The following DLGAP2 variants were observed in gnomAD, a reference collection of about 807,000 sequenced individuals.
DLGAP2 encodes the protein disks large-associated protein 2.
In DLGAP2, 26 loss-of-function variants were observed where a neutral mutation model predicts 100.3. The observed-to-expected ratio is 0.26, with a 90% CI of 0.19 to 0.36. The LOEUF (loss-of-function observed/expected upper bound fraction) is 0.36, where lower values mean the gene tolerates loss of function less well. DLGAP2 is among the 10% of genes least tolerant of loss of function. DLGAP2 has a pLI of 1.00. For missense variants in DLGAP2, 1,858 were observed against 1,453.2 expected, an observed-to-expected ratio of 1.28 and a Z score of -4.53; for synonymous variants, 886 against 630.1, an observed-to-expected ratio of 1.41 and a Z score of -6.08.
rs555706202 is a variant in DLGAP2, at chr8:1,635,031, A to T, written c.1810+1985A>T. 2.6e-5 allele frequency among the ~76,000 whole-genome samples: 4 copies of T among 152,348 alleles called. No individual in the cohort carries two copies. In the East Asian group the frequency reaches 7.7e-4, roughly 29 times the overall value. On this transcript the variant is annotated intron_variant, in intron 8 of 14. Transcript: ENST00000637795. ...AAGTTATGTGACATCTGAGAATCAA[A>T]TGAGAAAAGAAATGAAAAGCACTAG...
chr8:761,239 G>A (rs1413526707), intron 1 of DLGAP2, among the ~76,000 whole-genome samples: 1 of 152,016 alleles, frequency 6.6e-6, no homozygotes, highest in Non-Finnish European at 1.5e-5. Context: ...CAGTGAATTG[G>A]TAGAACCTGC....
At chr8:867,197 T>A (rs1585951418) in intron 1 of DLGAP2, among the ~76,000 whole-genome samples, 1 of 152,246 alleles carries the variant, frequency 6.6e-6, no homozygotes, top group East Asian at 1.9e-4. Flanking sequence ...GGGGATCTAT[T>A]TGCTTTATGC....
At chr8:1,584,667 C>A (rs971157984) in intron 6 of DLGAP2, among the ~76,000 whole-genome samples, 7 of 152,154 alleles carry the variant, frequency 4.6e-5, no homozygotes, top group African/African-American at 7.2e-5. Flanking sequence ...GGCATCTGGG[C>A]ATGAGGTGAG....
chr8:1,192,174 G>A (rs1464846586), intron 2 of DLGAP2, among the ~76,000 whole-genome samples: 1 of 152,186 alleles, frequency 6.6e-6, no homozygotes, highest in African/African-American at 2.4e-5. Context: ...AGCTGTGGGT[G>A]GGGCTGTCCA....
chr8:843,965 C>T (rs895122160), intron 1 of DLGAP2, among the ~76,000 whole-genome samples: 1 of 152,186 alleles, frequency 6.6e-6, no homozygotes, highest in Non-Finnish European at 1.5e-5. Flanking sequence ...TATTTTAAAA[C>T]ATTGGTAGTA....
chr8:1,651,919 T>C (rs1798174819), intron 8 of DLGAP2, among the ~76,000 whole-genome samples: 1 of 152,146 alleles, frequency 6.6e-6, no homozygotes, highest in Admixed American at 6.5e-5. Flanking sequence ...CCAGCCAGCC[T>C]TTGCATGAGG....
At chr8:1,288,587 A>ATT (rs1799991299) in intron 3 of DLGAP2, among the ~76,000 whole-genome samples, 1 of 119,700 alleles carries the variant, frequency 8.4e-6, no homozygotes, top group Admixed American at 8.8e-5. Context: ...GTTTCAGTTG[A>ATT]GTGTGTGTGT....
chr8:1,380,436 T>A (rs904592772), intron 3 of DLGAP2: 9 of 152,156 alleles, frequency 5.9e-5, no homozygotes, highest in African/African-American at 2.2e-4. Flanking sequence ...AAGGAGACTT[T>A]GGAAAAGCAC....
intron 3 of DLGAP2, among the ~76,000 whole-genome samples, chr8:1,472,279 G>C (rs1026177160): frequency 6.6e-6 from 1 of 152,232 alleles, no homozygotes; most frequent in Admixed American, 6.5e-5. Context: ...ACCAGATGCA[G>C]GGCCGGAGCA....
At chr8:789,053 G>T (rs117813517) in intron 1 of DLGAP2, among the ~76,000 whole-genome samples, 1 of 152,188 alleles carries the variant, frequency 6.6e-6, no homozygotes, top group Non-Finnish European at 1.5e-5. Context: ...TTTTCTTCCT[G>T]TTGAGTTTCG....
chr8:944,381 A>G (rs1037055016), intron 2 of DLGAP2, among the ~76,000 whole-genome samples: 8 of 152,034 alleles, frequency 5.3e-5, no homozygotes, highest in Non-Finnish European at 1.0e-4. Context: ...GTGAGTGGTA[A>G]CCAATCCCTG....
intron 1 of DLGAP2, among the ~76,000 whole-genome samples, chr8:828,933 T>A (rs1223881649): frequency 3.9e-5 from 6 of 152,236 alleles, no homozygotes; most frequent in Admixed American, 3.3e-4. Context: ...AAGAAGCAAC[T>A]CTGTATTAAA....
chr8:1,069,525 G>T (rs1803364157), intron 2 of DLGAP2, among the ~76,000 whole-genome samples: 1 of 152,128 alleles, frequency 6.6e-6, no homozygotes, highest in African/African-American at 2.4e-5. Context: ...AACGGTTTCT[G>T]GGGAGAACAG....
chr8:1,514,902 A>C (rs1800306158), intron 4 of DLGAP2, among the ~76,000 whole-genome samples: 1 of 152,208 alleles, frequency 6.6e-6, no homozygotes, highest in Non-Finnish European at 1.5e-5. Context: ...AGCCAGCCCC[A>C]CGAGGGGAAG....
chr8:1,655,352 A>G lies in DLGAP2; in HGVS notation c.1811-12977A>G, dbSNP rs1489454454. Reference sequence around the variant, plus strand: ...TCTCATTCAGACAGTCATGGGCTTGATGACTGTAATTCCTTTTATGCTATC... The same window carrying G: ...TCTCATTCAGACAGTCATGGGCTTGGTGACTGTAATTCCTTTTATGCTATC... On this transcript the variant is annotated intron_variant, in intron 8 of 14. Coordinates refer to ENST00000637795, the MANE Select transcript of DLGAP2 (RefSeq NM_001346810.2). Among the ~76,000 whole-genome samples, 9 of 152,314 alleles carry G rather than the reference A, an allele frequency of 5.9e-5. No homozygotes were observed. In the South Asian group the frequency reaches 1.9e-3, roughly 32 times the overall value.
At chr8:788,631 T>A (rs755846537) in intron 1 of DLGAP2, among the ~76,000 whole-genome samples, 4 of 152,150 alleles carry the variant, frequency 2.6e-5, no homozygotes, top group Non-Finnish European at 5.9e-5. Context: ...TGGAAAAAAG[T>A]GAAGTTTGGT....
At chr8:1,074,616 C>G (rs191228439) in intron 2 of DLGAP2, among the ~76,000 whole-genome samples, 87 of 152,302 alleles carry the variant, frequency 5.7e-4, no homozygotes, top group African/African-American at 2.0e-3. Flanking sequence ...CAGTAACAGA[C>G]TTGCAAGGTG....
chr8:1,539,461 C>T (rs1002095369), intron 4 of DLGAP2, among the ~76,000 whole-genome samples: 2 of 152,152 alleles, frequency 1.3e-5, no homozygotes, highest in Non-Finnish European at 2.9e-5. Context: ...TGGGAGATAA[C>T]AAGCCCATCC....
intron 8 of DLGAP2, among the ~76,000 whole-genome samples, chr8:1,665,492 G>A (rs1050645108): frequency 6.6e-6 from 1 of 152,172 alleles, no homozygotes; most frequent in Non-Finnish European, 1.5e-5. Flanking sequence ...AATTTGGCGT[G>A]TTTAATATCA....
Sources: gnomAD v4.1 joint callset for allele counts (sites outside exome capture counted in the v4.1 genomes callset) on GRCh38, gnomAD v4.1.1 for gene constraint, MANE v1.5 for transcripts, NCBI Gene and HGNC (gene_info 2026-07-23, HGNC 2026-07-21) for gene names.